Variants in SLCO3A1 observed in about 807,000 individuals in gnomAD.
SLCO3A1 encodes the protein solute carrier organic anion transporter family member 3A1, also known as PGE1 transporter.
SLCO3A1 carries 27 observed loss-of-function variants against 63.1 expected under a neutral mutation model. The ratio of observed to expected loss-of-function variants is 0.43; its 90% confidence interval spans 0.32 to 0.59. SLCO3A1 has a LOEUF of 0.59. SLCO3A1 is among the 20% of genes least tolerant of loss of function. SLCO3A1 has a pLI of 0.09. For synonymous variants in SLCO3A1, 473 were observed against 409.9 expected (o/e 1.15, Z -1.86); for missense variants, 773 against 945.8 (o/e 0.82, Z 2.40).
In SLCO3A1 at chr15:91,854,114, C is replaced by G; in HGVS notation, c.180+26C>G. ...GTGAGTCCCCGAGCCAACTCCGCCG[C>G]GGGCCCCTTCCCCAGCCCGGCTCTC... On this transcript the variant is annotated intron_variant, in intron 1 of 9. Coordinates refer to ENST00000318445, the MANE Select transcript of SLCO3A1 (RefSeq NM_013272.4). This position sits in a 1 kb window ranked among gnomAD's most constrained non-coding sequence, Gnocchi z 6.4. 6.9e-7 allele frequency: 1 copy of G among 1,445,804 alleles called. No individual in the cohort carries two copies. Among genetic ancestry groups the G allele is most frequent in the South Asian group, 1.4e-5 (1 of 71,014 alleles). The allele number at this position is 1,445,804 out of a possible 1,614,324, so 89.6% of individuals were successfully genotyped here.
chr15:92,041,017 A>C (rs1422934440), intron 2 of SLCO3A1, among the ~76,000 whole-genome samples: 1 of 152,102 alleles, frequency 6.6e-6, no homozygotes, highest in African/African-American at 2.4e-5. Context: ...ATCTGACCTC[A>C]GACTTTCTGC....
chr15:92,039,525 T>C (rs901901615), intron 2 of SLCO3A1, among the ~76,000 whole-genome samples: 2 of 152,178 alleles, frequency 1.3e-5, no homozygotes, highest in African/African-American at 4.8e-5. Context: ...TGAGATAGTG[T>C]TTTGTGCCAG....
At chr15:91,857,029 CGTGTGTGTGTGTGTGTGT>C (rs58042356) in intron 1 of SLCO3A1, among the ~76,000 whole-genome samples, 3 of 139,028 alleles carry the variant, frequency 2.2e-5, no homozygotes, top group East Asian at 2.1e-4. Context: ...AAGGAGGACT[CGTGTGTGTGTGTGTGTGT>C]GTGTGTGTGT....
At chr15:91,976,704 A>G (rs1262590079) in intron 2 of SLCO3A1, among the ~76,000 whole-genome samples, 3 of 152,136 alleles carry the variant, frequency 2.0e-5, no homozygotes, top group Admixed American at 1.3e-4. Context: ...GAGAAATTTT[A>G]AAGTTGGGCG....
Position 91,942,152 on chromosome 15 carries a change from C to CTTTTTTTTTTTTTTTTTTTTTT in SLCO3A1, c.646+25696_646+25697insTTTTTTTTTTTTTTTTTTTTTT, listed in dbSNP as rs1567196666. Among the ~76,000 whole-genome samples the CTTTTTTTTTTTTTTTTTTTTTT allele has an allele frequency of 3.9e-5, 6 of 152,144 alleles. No homozygotes were observed. The highest frequency in any genetic ancestry group is 1.4e-4 in the African/African-American group (6 of 41,438). ...ATAATTTTGGATCACGGCAGCTTTTCTTATTAAAATTTTACTTGTAGAAAT... is the reference window on the plus strand; with the variant it reads ...ATAATTTTGGATCACGGCAGCTTTTCTTTTTTTTTTTTTTTTTTTTTTTTATTAAAATTTTACTTGTAGAAAT... On this transcript the variant is annotated intron_variant, in intron 2 of 9. Coordinates refer to ENST00000318445, the MANE Select transcript of SLCO3A1 (RefSeq NM_013272.4). The surrounding 1 kb of genome is among the most constrained non-coding windows in gnomAD (Gnocchi z 4.1).
In SLCO3A1 at chr15:91,894,653, T is replaced by G. The variant is rs1396124409; in HGVS notation, c.181-21340T>G. ...AGCATTTTTGACTTGAATGTTCATA[T>G]GTACCACTGGGGATCTTGGTAAAAT... On this transcript the variant is annotated intron_variant, in intron 1 of 9. Transcript: ENST00000318445. This position sits in a 1 kb window ranked among gnomAD's most constrained non-coding sequence, Gnocchi z 4.8. 6.6e-6 allele frequency among the ~76,000 whole-genome samples: 1 copy of G among 152,226 alleles called. No homozygotes were observed. The highest frequency in any genetic ancestry group is 2.1e-4 in the South Asian group (1 of 4,834).
intron 2 of SLCO3A1, among the ~76,000 whole-genome samples, chr15:92,089,784 C>T (rs753364467): frequency 6.6e-6 from 1 of 152,072 alleles, no homozygotes; most frequent in Non-Finnish European, 1.5e-5. Context: ...AAGGAATTTG[C>T]CGTAGTGTAT....
chr15:91,938,473 G>GTTTTTT (rs1035027089), intron 2 of SLCO3A1, among the ~76,000 whole-genome samples: 2 of 126,740 alleles, frequency 1.6e-5, no homozygotes, highest in African/African-American at 6.8e-5. Context: ...CTAAACATTG[G>GTTTTTT]TTTTTTTTGT....
chr15:91,885,493 A>G lies in SLCO3A1; in HGVS notation c.181-30500A>G, dbSNP rs1897699959. On this transcript the variant is annotated intron_variant, in intron 1 of 9. Coordinates refer to ENST00000318445, the MANE Select transcript of SLCO3A1 (RefSeq NM_013272.4). The surrounding 1 kb of genome is among the most constrained non-coding windows in gnomAD (Gnocchi z 4.7). ...GCCAAACTCCAGCATGTCACAAATC[A>G]TACATTACAGGAAAAGGGAGCCCTT... Among the ~76,000 whole-genome samples the G allele has an allele frequency of 6.6e-6, 1 of 152,328 alleles. No homozygotes were observed. The highest frequency in any genetic ancestry group is 2.4e-5 in the African/African-American group (1 of 41,588).
chr15:92,002,379 C>T (rs2046265995), intron 2 of SLCO3A1, among the ~76,000 whole-genome samples: 1 of 152,154 alleles, frequency 6.6e-6, no homozygotes, highest in Non-Finnish European at 1.5e-5. Flanking sequence ...CAATGTACTC[C>T]TCATTCAGGA....
At chr15:92,001,587 G>C (rs1159859106) in intron 2 of SLCO3A1, among the ~76,000 whole-genome samples, 1 of 152,176 alleles carries the variant, frequency 6.6e-6, no homozygotes, top group East Asian at 1.9e-4. Context: ...TCAGCTCTGG[G>C]TCTCACATGC....
chr15:92,016,696 T>G (rs890731498), intron 2 of SLCO3A1, among the ~76,000 whole-genome samples: 1 of 151,464 alleles, frequency 6.6e-6, no homozygotes, highest in African/African-American at 2.4e-5. Context: ...TTCCAGAGAG[T>G]TATCAAAGCA....
At chr15:92,013,125 C>G (rs965837865) in intron 2 of SLCO3A1, among the ~76,000 whole-genome samples, 1 of 152,200 alleles carries the variant, frequency 6.6e-6, no homozygotes, top group Non-Finnish European at 1.5e-5. Context: ...AGATGGGTGG[C>G]TTTGCATGTG....
intron 4 of SLCO3A1, among the ~76,000 whole-genome samples, chr15:92,105,838 C>A (rs1024946869): frequency 1.1e-4 from 17 of 152,230 alleles, no homozygotes; most frequent in Non-Finnish European, 1.9e-4. Flanking sequence ...GCGGCAGATG[C>A]AGTCCTCCTG....
At chr15:92,031,938 A>G (rs1231441514) in intron 2 of SLCO3A1, among the ~76,000 whole-genome samples, 1 of 152,146 alleles carries the variant, frequency 6.6e-6, no homozygotes, top group African/African-American at 2.4e-5. Flanking sequence ...TAGTTCTGTG[A>G]TACTGGCCAA....
At chr15:92,148,132 C>A (rs991414825) in intron 8 of SLCO3A1, among the ~76,000 whole-genome samples, 2 of 152,218 alleles carry the variant, frequency 1.3e-5, no homozygotes, top group Non-Finnish European at 2.9e-5. Flanking sequence ...TGCTTAGACC[C>A]AGGAGGCGGA....
chr15:91,911,298 G>C (rs1898477477), intron 1 of SLCO3A1, among the ~76,000 whole-genome samples: 1 of 152,186 alleles, frequency 6.6e-6, no homozygotes, highest in Admixed American at 6.5e-5. Context: ...ATGGGGGAAG[G>C]CTAGTTGAGA....
At chr15:91,946,396 C>T (rs1899806117) in intron 2 of SLCO3A1, among the ~76,000 whole-genome samples, 1 of 152,232 alleles carries the variant, frequency 6.6e-6, no homozygotes, top group African/African-American at 2.4e-5. Flanking sequence ...GTGTTCCAGG[C>T]AGTGCCAAGA....
At chr15:92,040,201 A>G (rs1382238459) in intron 2 of SLCO3A1, among the ~76,000 whole-genome samples, 2 of 152,150 alleles carry the variant, frequency 1.3e-5, no homozygotes, top group Admixed American at 6.5e-5. Flanking sequence ...GTATCCCAGA[A>G]CTCAAAGTAA....
Sources: gnomAD v4.1 joint callset for allele counts (sites outside exome capture counted in the v4.1 genomes callset) on GRCh38, gnomAD v4.1.1 for gene constraint, Gnocchi (gnomAD v3.1) non-coding constraint, MANE v1.5 for transcripts, NCBI Gene and HGNC (gene_info 2026-07-23, HGNC 2026-07-21) for gene names.